Variants in ROBO2 observed in about 807,000 individuals in gnomAD.
The protein encoded by ROBO2 is roundabout guidance receptor 2.
ROBO2 carries 53 observed loss-of-function variants against 160.8 expected under a neutral mutation model. That is an observed-to-expected ratio of 0.33 (90% CI 0.26 to 0.41). The LOEUF is 0.41. Ranked by LOEUF, ROBO2 falls within the 10% of genes least tolerant of loss-of-function variation. ROBO2 has a pLI of 1.00. For synonymous variants in ROBO2, 664 were observed against 611.7 expected (o/e 1.09, Z -1.26); for missense variants, 1,577 against 1,722.4 (o/e 0.92, Z 1.49).
At chr3:76,256,383 G>T (rs953924942) in intron 2 of ROBO2, among the ~76,000 whole-genome samples, 1 of 103,034 alleles carries the variant, frequency 9.7e-6, no homozygotes, top group Non-Finnish European at 2.3e-5. Context: ...CACACGCAAG[G>T]TATGGTTGAG....
chr3:76,362,345 C>T lies in ROBO2; in HGVS notation c.109+424743C>T, dbSNP rs571877955. 3.3e-5 allele frequency among the ~76,000 whole-genome samples: 5 copies of T among 152,150 alleles called. No individual in the cohort carries two copies. The South Asian group carries it at 1.0e-3, about 32-fold the overall frequency. Reference sequence around the variant, plus strand: ...CATTTCTGCACTCCAGCCTGGGTTACAGACCTGGGTTAAGACCTTCTCTTA... The same window carrying T: ...CATTTCTGCACTCCAGCCTGGGTTATAGACCTGGGTTAAGACCTTCTCTTA... On this transcript the variant is annotated intron_variant, in intron 2 of 26. Coordinates refer to the ROBO2 transcript ENST00000487694.
intron 2 of ROBO2, among the ~76,000 whole-genome samples, chr3:76,449,125 C>T (rs192750578): frequency 2.0e-5 from 3 of 152,138 alleles, no homozygotes; most frequent in East Asian, 1.9e-4. Flanking sequence ...TTCTCCAAAA[C>T]GTATGGAAAT....
At chr3:76,649,925 A>G (rs1431952939) in intron 2 of ROBO2, among the ~76,000 whole-genome samples, 1 of 152,148 alleles carries the variant, frequency 6.6e-6, no homozygotes, top group Non-Finnish European at 1.5e-5. Context: ...TTTTCAGATC[A>G]TATATTGTTA....
At chr3:77,227,822 C>G (rs977376992) in intron 2 of ROBO2, among the ~76,000 whole-genome samples, 1 of 152,184 alleles carries the variant, frequency 6.6e-6, no homozygotes, top group Non-Finnish European at 1.5e-5. Flanking sequence ...CATTGACTGT[C>G]AAGTCAGTCA....
chr3:76,355,515 A>G (rs1417227419), intron 2 of ROBO2, among the ~76,000 whole-genome samples: 1 of 151,688 alleles, frequency 6.6e-6, no homozygotes. Context: ...TGGTTGAGCT[A>G]TGAGCTCATG....
chr3:77,477,592 G>A, intron 3 of ROBO2, 21 bp downstream of exon 3: 2 of 1,609,260 alleles, frequency 1.2e-6, no homozygotes, highest in Non-Finnish European at 1.7e-6. Flanking sequence ...TTAAAATCAT[G>A]GCCCAGAGAG....
intron 4 of ROBO2, among the ~76,000 whole-genome samples, chr3:77,489,428 G>A (rs2085797264): frequency 6.6e-6 from 1 of 152,116 alleles, no homozygotes; most frequent in Non-Finnish European, 1.5e-5. Context: ...CCCCTGCTGA[G>A]TTCATTTGAA....
chr3:77,097,388 A>G (rs2071227094), intron 1 of ROBO2, among the ~76,000 whole-genome samples: 1 of 152,012 alleles, frequency 6.6e-6, no homozygotes, highest in African/African-American at 2.4e-5. Context: ...TTTCTTATAT[A>G]CCTCTATGCA....
chr3:76,416,540 T>G (rs2075766195), intron 2 of ROBO2, among the ~76,000 whole-genome samples: 4 of 152,230 alleles, frequency 2.6e-5, no homozygotes, highest in Admixed American at 2.6e-4. Flanking sequence ...AAGTAGTTAA[T>G]GTGATAAATT....
Position 75,962,945 on chromosome 3 carries a change from G to A in ROBO2, c.109+25343G>A, listed in dbSNP as rs1290666625. Among the ~76,000 whole-genome samples the A allele has an allele frequency of 4.6e-5, 7 of 151,670 alleles. No homozygotes were observed. The East Asian group carries it at 5.9e-4, about 13-fold the overall frequency. ...TATTTGAATGACTGATCTCATTAACGATCATTCCTTCTAAATCTGTCTCCT... is the reference window on the plus strand; with the variant it reads ...TATTTGAATGACTGATCTCATTAACAATCATTCCTTCTAAATCTGTCTCCT... On this transcript the variant is annotated intron_variant, in intron 2 of 26. Coordinates refer to the ROBO2 transcript ENST00000487694.
intron 2 of ROBO2, among the ~76,000 whole-genome samples, chr3:76,889,072 A>T (rs1157222470): frequency 2.6e-5 from 4 of 152,146 alleles, no homozygotes; most frequent in Non-Finnish European, 5.9e-5. Context: ...AGGCCTACAC[A>T]ACTTCCTGTG....
intron 23 of ROBO2, chr3:77,629,550 T>C (rs889259492): frequency 4.6e-5 from 7 of 152,192 alleles, no homozygotes; most frequent in Non-Finnish European, 1.0e-4. Context: ...CAAAGAAACT[T>C]AGCTGCCACT....
At chr3:76,940,881 A>G (rs1041932190) in intron 2 of ROBO2, among the ~76,000 whole-genome samples, 5 of 152,202 alleles carry the variant, frequency 3.3e-5, no homozygotes. Context: ...GCTTTCATCT[A>G]AACTTTTTCT....
At chr3:77,585,700 A>T (rs1181322060) in intron 16 of ROBO2, among the ~76,000 whole-genome samples, 2 of 151,898 alleles carry the variant, frequency 1.3e-5, no homozygotes, top group Non-Finnish European at 2.9e-5. Context: ...TTTAATATCT[A>T]CTCTTGTACT....
intron 2 of ROBO2, among the ~76,000 whole-genome samples, chr3:77,329,884 G>A (rs555151202): frequency 1.3e-5 from 2 of 152,226 alleles, no homozygotes; most frequent in South Asian, 2.1e-4. Flanking sequence ...TACTGTATTT[G>A]GCACAGATTA....
At chr3:77,231,932 T>C (rs989654800) in intron 2 of ROBO2, among the ~76,000 whole-genome samples, 4 of 152,206 alleles carry the variant, frequency 2.6e-5, no homozygotes, top group Non-Finnish European at 1.5e-5. Flanking sequence ...TTGTTTTCTG[T>C]AGCTTTCAAA....
At chr3:77,632,504 C>A in intron 23 of ROBO2, 1 of 1,534,910 alleles carries the variant, frequency 6.5e-7, no homozygotes, top group South Asian at 1.2e-5. Context: ...GGCTCTGCAT[C>A]TGATGAGGAT....
At chr3:76,699,773 C>T (rs1220211210) in intron 2 of ROBO2, among the ~76,000 whole-genome samples, 1 of 152,110 alleles carries the variant, frequency 6.6e-6, no homozygotes, top group Non-Finnish European at 1.5e-5. Flanking sequence ...ATGTGCTGCT[C>T]GTTCTCTGTA....
At chr3:77,207,623 G>T (rs2083599304) in intron 2 of ROBO2, among the ~76,000 whole-genome samples, 1 of 152,044 alleles carries the variant, frequency 6.6e-6, no homozygotes, top group African/African-American at 2.4e-5. Context: ...TGTATGTTGT[G>T]GCTGTACAAA....
Sources: allele counts gnomAD v4.1 joint callset (sites outside exome capture counted in the v4.1 genomes callset), GRCh38; gene constraint gnomAD v4.1.1; transcripts MANE v1.5; gene names NCBI Gene and HGNC (gene_info 2026-07-23, HGNC 2026-07-21).